KIF6: variants seen among roughly 807,000 people sequenced by gnomAD.
KIF6 encodes kinesin family member 6, also known as kinesin-like protein KIF6.
A neutral mutation model predicts 112.7 loss-of-function variants in KIF6; 106 were observed. That is an observed-to-expected ratio of 0.94 (90% confidence interval 0.80 to 1.11). KIF6 has a LOEUF of 1.11. Ranked by LOEUF, KIF6 falls within the 50% of genes least tolerant of loss-of-function variation. KIF6 has a pLI of 0.00. For synonymous variants in KIF6, 339 were observed against 339.9 expected (o/e 1.00, Z 0.03); for missense variants, 929 against 964.0 (o/e 0.96, Z 0.48).
At chr6:39,453,291 A>G (rs1026554681) in intron 13 of KIF6, among the ~76,000 whole-genome samples, 4 of 152,202 alleles carry the variant, frequency 2.6e-5, no homozygotes, top group African/African-American at 9.7e-5. Flanking sequence ...GTGTATTAAC[A>G]CTGCCCAGGA....
At chr6:39,349,951 G>A (rs1305743508) in intron 19 of KIF6, among the ~76,000 whole-genome samples, 1 of 152,064 alleles carries the variant, frequency 6.6e-6, no homozygotes, top group Admixed American at 6.5e-5. Flanking sequence ...GGCCTAATTT[G>A]TGGCTCTTTG....
At chr6:39,692,445 T>C (rs1238175701) in intron 3 of KIF6, among the ~76,000 whole-genome samples, 1 of 152,236 alleles carries the variant, frequency 6.6e-6, no homozygotes, top group African/African-American at 2.4e-5. Context: ...CATAACATGA[T>C]GGTCACATGG....
chr6:39,417,254 A>G (rs913019658), intron 15 of KIF6, among the ~76,000 whole-genome samples: 6 of 152,184 alleles, frequency 3.9e-5, no homozygotes, highest in Non-Finnish European at 8.8e-5. Context: ...GGGGGTATTC[A>G]GTAATACGGC....
At chr6:39,465,611 T>A (rs11968680) in intron 13 of KIF6, among the ~76,000 whole-genome samples, 5 of 152,182 alleles carry the variant, frequency 3.3e-5, no homozygotes, top group Non-Finnish European at 5.9e-5. Context: ...ATCAGAAACA[T>A]CCTTCCAAAA....
chr6:39,409,265 A>C (rs1769309137), intron 15 of KIF6, among the ~76,000 whole-genome samples: 1 of 152,090 alleles, frequency 6.6e-6, no homozygotes, highest in Non-Finnish European at 1.5e-5. Flanking sequence ...CCAAGCATTG[A>C]CACCTGACTT....
chr6:39,348,097 C>T (rs1763947457), intron 19 of KIF6, among the ~76,000 whole-genome samples: 1 of 152,190 alleles, frequency 6.6e-6, no homozygotes, highest in African/African-American at 2.4e-5. Flanking sequence ...CTGGTGCAGC[C>T]TGGAGAAGGG....
intron 13 of KIF6, among the ~76,000 whole-genome samples, chr6:39,439,648 A>G (rs1771785845): frequency 6.6e-6 from 1 of 152,236 alleles, no homozygotes; most frequent in South Asian, 2.1e-4. Context: ...TTTCTGAAAC[A>G]TTAGGCATCC....
At chr6:39,522,872 T>G (rs1777474628) in intron 13 of KIF6, among the ~76,000 whole-genome samples, 1 of 152,322 alleles carries the variant, frequency 6.6e-6, no homozygotes, top group African/African-American at 2.4e-5. Context: ...CCTCTTTTCC[T>G]GGCTACCCTT....
Position 39,586,248 on chromosome 6 carries a change from A to C in KIF6, c.990+13T>G, listed in dbSNP as rs1174086761. 2.5e-6 allele frequency: 4 copies of C among 1,613,590 alleles called. No individual in the cohort carries two copies. In the African/African-American group the frequency reaches 5.3e-5, roughly 22 times the overall value. On this transcript the variant is annotated intron_variant, in intron 8 of 22. Coordinates refer to ENST00000287152, the MANE Select transcript of KIF6 (RefSeq NM_145027.6). The stretch of plus-strand genomic sequence containing the variant: ...ACCTAGATTAAGATCTCCAGAAAGA[A>C]GAGCCCACATACATCAAGATTCCTT...
chr6:39,661,495 T>C (rs1026985753), intron 3 of KIF6, among the ~76,000 whole-genome samples: 1 of 152,108 alleles, frequency 6.6e-6, no homozygotes, highest in Non-Finnish European at 1.5e-5. Flanking sequence ...ATTCTTTTTT[T>C]CTCTCTCTCT....
intron 13 of KIF6, among the ~76,000 whole-genome samples, chr6:39,455,655 C>T (rs2150414332): frequency 6.8e-6 from 1 of 147,428 alleles, no homozygotes; most frequent in East Asian, 2.1e-4. Context: ...CTAGAATAAC[C>T]AATACAGAGA....
intron 5 of KIF6, among the ~76,000 whole-genome samples, chr6:39,615,276 C>T (rs1783451337): frequency 6.6e-6 from 1 of 152,088 alleles, no homozygotes; most frequent in East Asian, 1.9e-4. Flanking sequence ...AACTCTAAGG[C>T]AAAGTCACCT....
At chr6:39,469,284 A>G (rs1216006941) in intron 13 of KIF6, among the ~76,000 whole-genome samples, 2 of 152,178 alleles carry the variant, frequency 1.3e-5, no homozygotes, top group African/African-American at 4.8e-5. Context: ...CATGATACAT[A>G]GAAAAAATAA....
chr6:39,350,486 A>T (rs115965458), intron 19 of KIF6, among the ~76,000 whole-genome samples: 61 of 152,230 alleles, frequency 4.0e-4, no homozygotes, highest in African/African-American at 1.4e-3. Context: ...GGGGACCATG[A>T]TAGTAGGCAC....
chr6:39,336,366 G>T lies in KIF6; in HGVS notation c.*166C>A. ...AGCCCCAGCCTCTCGGTGGCCTCCA[G>T]GTCAGCATCCTTAAAGAAACACAGT... On this transcript the variant is annotated 3_prime_UTR_variant, in exon 23 of 23. Transcript: ENST00000287152. 1 of 677,994 alleles carries T rather than the reference G, an allele frequency of 1.5e-6. No individual in the cohort carries two copies. The highest frequency in any genetic ancestry group is 2.6e-6 in the Non-Finnish European group (1 of 389,780). 42.0% of individuals were successfully genotyped at this position (677,994 alleles called of 1,614,324 possible). A position where few individuals can be genotyped will look rare whatever the true frequency, so the allele number is the denominator to read the frequency against.
chr6:39,417,517 C>T (rs1189774591), intron 15 of KIF6, among the ~76,000 whole-genome samples: 1 of 152,230 alleles, frequency 6.6e-6, no homozygotes, highest in Admixed American at 6.5e-5. Context: ...CCTAGCATAT[C>T]TGGGCCCTTT....
chr6:39,664,769 T>C (rs895961653), intron 3 of KIF6, among the ~76,000 whole-genome samples: 4 of 152,000 alleles, frequency 2.6e-5, no homozygotes, highest in African/African-American at 9.7e-5. Context: ...AATTTGGGAG[T>C]CAATCATAAT....
rs1008485239 is a variant in KIF6 at position 39,348,913 on chromosome 6, G to C, written c.2181-2387C>G. Among the ~76,000 whole-genome samples the C allele has an allele frequency of 2.6e-5, 4 of 152,172 alleles. No homozygotes were observed. In the South Asian group the frequency reaches 6.2e-4, roughly 24 times the overall value. ...CTCTCTCACCCTGGCGGCTCTGACCGGGCACTGACCGGGCAACATTTATCT... is the reference window on the plus strand; with the variant it reads ...CTCTCTCACCCTGGCGGCTCTGACCCGGCACTGACCGGGCAACATTTATCT... On this transcript the variant is annotated intron_variant, in intron 19 of 22. Transcript: ENST00000287152.
chr6:39,351,419 T>C (rs949745179), intron 19 of KIF6, among the ~76,000 whole-genome samples: 2 of 150,696 alleles, frequency 1.3e-5, no homozygotes, highest in Non-Finnish European at 3.0e-5. Flanking sequence ...GAGGTAAGGA[T>C]ATTTTCATAT....
Sources: gnomAD v4.1 joint callset for allele counts (sites outside exome capture counted in the v4.1 genomes callset) on GRCh38, gnomAD v4.1.1 for gene constraint, MANE v1.5 for transcripts, NCBI Gene and HGNC (gene_info 2026-07-23, HGNC 2026-07-21) for gene names.